The following PXDNL variants were observed in gnomAD, a reference collection of about 807,000 sequenced individuals.
PXDNL encodes probable oxidoreductase PXDNL.
Under a neutral mutation model 150.8 loss-of-function variants are expected in PXDNL, and 145 were observed. That is an observed-to-expected ratio of 0.96 (90% CI 0.84 to 1.10). The LOEUF is 1.10. PXDNL is among the 50% of genes least tolerant of loss of function. PXDNL has a pLI of 0.00. For missense variants in PXDNL, 2,087 were observed against 1,873.9 expected (o/e 1.11, Z -2.10); for synonymous variants, 757 against 725.7 (o/e 1.04, Z -0.69).
At chr8:51,443,945 A>G (rs1022026388) in intron 12 of PXDNL, among the ~76,000 whole-genome samples, 2 of 152,108 alleles carry the variant, frequency 1.3e-5, no homozygotes, top group African/African-American at 4.8e-5. Flanking sequence ...GTTAGTTACA[A>G]ATGTATACAT....
At chr8:51,544,105 T>A (rs1314722529) in intron 4 of PXDNL, among the ~76,000 whole-genome samples, 2 of 152,192 alleles carry the variant, frequency 1.3e-5, no homozygotes, top group Non-Finnish European at 2.9e-5. Context: ...GATGTGTATG[T>A]AAAAGGAGAA....
intron 14 of PXDNL, among the ~76,000 whole-genome samples, chr8:51,417,945 T>G (rs1808841848): frequency 6.6e-6 from 1 of 152,220 alleles, no homozygotes; most frequent in South Asian, 2.1e-4. Context: ...TGTTTAAGGT[T>G]ATGGTGCTTA....
chr8:51,485,450 A>G (rs1810707637), intron 5 of PXDNL, among the ~76,000 whole-genome samples: 1 of 152,162 alleles, frequency 6.6e-6, no homozygotes, highest in African/African-American at 2.4e-5. Context: ...TTCCATGTCC[A>G]TCTCTACATT....
chr8:51,585,209 T>C (rs903085562), intron 3 of PXDNL, among the ~76,000 whole-genome samples: 2 of 152,150 alleles, frequency 1.3e-5, no homozygotes, highest in African/African-American at 2.4e-5. Flanking sequence ...AGTTTGAAGC[T>C]CCTGTGGGAC....
chr8:51,748,405 G>A (rs1420117274), intron 1 of PXDNL, among the ~76,000 whole-genome samples: 8 of 152,186 alleles, frequency 5.3e-5, no homozygotes. Context: ...GGCCCTTAGA[G>A]GGAGAGCTGG....
chr8:51,323,927 A>T (rs1333317697), intron 21 of PXDNL, among the ~76,000 whole-genome samples: 7 of 138,902 alleles, frequency 5.0e-5, no homozygotes, highest in African/African-American at 1.8e-4. Context: ...AAAAAAAATA[A>T]AATAAAATAA....
At chr8:51,487,814 A>C (rs139641528) in intron 5 of PXDNL, among the ~76,000 whole-genome samples, 1 of 152,192 alleles carries the variant, frequency 6.6e-6, no homozygotes, top group Non-Finnish European at 1.5e-5. Context: ...TCATGACTTC[A>C]TTGAAAAGAA....
intron 17 of PXDNL, among the ~76,000 whole-genome samples, chr8:51,389,655 T>C (rs1254174909): frequency 1.3e-5 from 2 of 152,244 alleles, no homozygotes; most frequent in Non-Finnish European, 2.9e-5. Flanking sequence ...CCCTGGCTTT[T>C]AAGTTTCCTT....
chr8:51,603,484 G>C (rs1473908583), intron 2 of PXDNL, among the ~76,000 whole-genome samples: 1 of 151,880 alleles, frequency 6.6e-6, no homozygotes, highest in African/African-American at 2.4e-5. Flanking sequence ...AGTTTGCTAA[G>C]TTGGATATTT....
chr8:51,362,217 C>T (rs1406737865), intron 19 of PXDNL, among the ~76,000 whole-genome samples: 2 of 152,136 alleles, frequency 1.3e-5, no homozygotes, highest in African/African-American at 2.4e-5. Context: ...GATAAGACCT[C>T]CGGTAAAGTA....
rs551215388 is a variant in PXDNL at position 51,569,720 on chromosome 8, A to G, written c.309-12809T>C. Among the ~76,000 whole-genome samples the G allele has an allele frequency of 3.3e-5, 5 of 151,992 alleles. No homozygotes were observed. The East Asian group carries it at 9.7e-4, about 30-fold the overall frequency. On this transcript the variant is annotated intron_variant, in intron 3 of 22. Coordinates refer to ENST00000356297, the MANE Select transcript of PXDNL (RefSeq NM_144651.5). The stretch of plus-strand genomic sequence containing the variant: ...ATTCAAATATTTTAAACATTTTGAA[A>G]GGAAGATAATTCTATATAAGAAAAA...
At chr8:51,797,409 C>T (rs913192180) in intron 1 of PXDNL, among the ~76,000 whole-genome samples, 7 of 151,994 alleles carry the variant, frequency 4.6e-5, no homozygotes, top group East Asian at 1.9e-4. Flanking sequence ...TGACATGATC[C>T]GATATCTAGA....
intron 2 of PXDNL, among the ~76,000 whole-genome samples, chr8:51,623,553 C>T (rs1436800140): frequency 2.0e-5 from 3 of 152,152 alleles, no homozygotes; most frequent in South Asian, 4.1e-4. Flanking sequence ...GCATTCTCTG[C>T]CCTCCTCCAT....
At chr8:51,587,807 A>T (rs7826080) in intron 3 of PXDNL, among the ~76,000 whole-genome samples, 3,675 of 152,318 alleles carry the variant, frequency 0.024, 160 homozygotes, top group African/African-American at 0.083. Context: ...TTATGTTCAT[A>T]CATTTATTCA....
chr8:51,682,175 G>T (rs1391289389), intron 1 of PXDNL, among the ~76,000 whole-genome samples: 2 of 152,082 alleles, frequency 1.3e-5, no homozygotes, highest in Non-Finnish European at 2.9e-5. Context: ...AAAATGATCT[G>T]CATGGAATAT....
chr8:51,586,242 A>G (rs1313960801), intron 3 of PXDNL, among the ~76,000 whole-genome samples: 2 of 152,210 alleles, frequency 1.3e-5, no homozygotes, highest in African/African-American at 4.8e-5. Context: ...GAACAAGCAC[A>G]ATCTAGCTGG....
chr8:51,354,609 G>A (rs1447068373), intron 19 of PXDNL, among the ~76,000 whole-genome samples: 2 of 151,966 alleles, frequency 1.3e-5, no homozygotes, highest in Non-Finnish European at 2.9e-5. Flanking sequence ...AATACTAAGA[G>A]GAACATATCT....
intron 3 of PXDNL, among the ~76,000 whole-genome samples, chr8:51,572,926 A>G (rs917430584): frequency 2.0e-5 from 3 of 151,984 alleles, no homozygotes; most frequent in African/African-American, 7.2e-5. Flanking sequence ...AAAGGTAGAA[A>G]GCAAATCTCC....
intron 20 of PXDNL, among the ~76,000 whole-genome samples, chr8:51,341,977 G>A (rs1286124385): frequency 6.6e-6 from 1 of 152,106 alleles, no homozygotes; most frequent in Non-Finnish European, 1.5e-5. Flanking sequence ...TAATTGAAAT[G>A]AGGATATCAA....
Sources: gnomAD v4.1 joint callset for allele counts (sites outside exome capture counted in the v4.1 genomes callset) on GRCh38, gnomAD v4.1.1 for gene constraint, MANE v1.5 for transcripts, NCBI Gene and HGNC (gene_info 2026-07-23, HGNC 2026-07-21) for gene names.